ANKFY1: variants seen among roughly 807,000 people sequenced by gnomAD.
ANKFY1 encodes ankyrin repeat and FYVE domain containing 1, also known as ankyrin repeat and FYVE domain-containing protein 1.
ANKFY1 carries 47 observed loss-of-function variants against 128.3 expected under a neutral mutation model. That is an observed-to-expected ratio of 0.37 (90% CI 0.29 to 0.47). ANKFY1 has a LOEUF of 0.47. Ranked by LOEUF, ANKFY1 falls within the 20% of genes least tolerant of loss-of-function variation. The pLI is 1.00. For missense variants in ANKFY1, 1,222 were observed against 1,510.6 expected (o/e 0.81, Z 3.17); for synonymous variants, 553 against 601.6 (o/e 0.92, Z 1.18).
rs201162811 is a variant in ANKFY1 at position 4,184,812 on chromosome 17, A to G, written c.1699+6T>C. On this transcript the variant is annotated splice_donor_region_variant and intron_variant, in intron 12 of 24. Coordinates refer to ENST00000341657, the MANE Select transcript of ANKFY1 (RefSeq NM_001330063.2). ...AAAAGGATGGACAGTATTCCCACTT[A>G]CTTACCTTTCTGCTCCAGGATGACA... 6.2e-6 allele frequency: 10 copies of G among 1,611,334 alleles called. No individual in the cohort carries two copies. In the African/African-American group the frequency reaches 1.1e-4, roughly 17 times the overall value.
At chr17:4,213,815 C>G (rs530877854) in intron 4 of ANKFY1, among the ~76,000 whole-genome samples, 49 of 152,220 alleles carry the variant, frequency 3.2e-4, no homozygotes, top group South Asian at 8.3e-4. Context: ...CTTCGGGATC[C>G]ACCCACCTCG....
At position 4,235,970 on chromosome 17, in the gene ANKFY1, CAT is replaced by C. The variant is rs1478388904; in HGVS notation, c.204-82_204-81del. ...AGCTAGGATTCACAGCTGATAAACA[CAT>C]GAGTATTCATCAACATACATCTGCA... On this transcript the variant is annotated intron_variant, in intron 2 of 24. Transcript: ENST00000341657. The C allele has an allele frequency of 9.3e-6, 9 of 964,936 alleles. No homozygotes were observed. The East Asian group carries it at 9.7e-5, about 10-fold the overall frequency. The allele number at this position is 964,936 out of a possible 1,614,324, so 59.8% of individuals were successfully genotyped here. A position where few individuals can be genotyped will look rare whatever the true frequency, so the allele number is the denominator to read the frequency against.
At position 4,181,104 on chromosome 17, in the gene ANKFY1, A is replaced by T. The variant is rs1299084579; in HGVS notation, c.2240+150T>A. 6.4e-6 allele frequency: 4 copies of T among 628,954 alleles called. No homozygotes were observed. Among genetic ancestry groups the T allele is most frequent in the Non-Finnish European group, 1.1e-5 (4 of 358,294 alleles). 39.0% of individuals were successfully genotyped at this position (628,954 alleles called of 1,614,324 possible). A position where few individuals can be genotyped will look rare whatever the true frequency, so the allele number is the denominator to read the frequency against. ...GAGCCTGGCTCCTGGCTGACTTGAC[A>T]TGACAGAACAGTGACTCTCTGATAA... On this transcript the variant is annotated intron_variant, in intron 16 of 24. Coordinates refer to ENST00000341657, the MANE Select transcript of ANKFY1 (RefSeq NM_001330063.2). The surrounding 1 kb of genome is among the most constrained non-coding windows in gnomAD (Gnocchi z 4.9).
chr17:4,210,708 CAAA>C (rs371731375), intron 4 of ANKFY1, among the ~76,000 whole-genome samples: 1 of 42,450 alleles, frequency 2.4e-5, no homozygotes, highest in Non-Finnish European at 3.7e-5. Flanking sequence ...AACTCTGTCG[CAAA>C]AAAAAAAAAA....
intron 22 of ANKFY1, among the ~76,000 whole-genome samples, chr17:4,171,550 C>CA (rs1342010163): frequency 6.6e-6 from 1 of 152,206 alleles, no homozygotes; most frequent in East Asian, 1.9e-4. Flanking sequence ...AGAATGCACC[C>CA]AGTCACCCTG....
chr17:4,188,955 ACT>A (rs1423169560), intron 11 of ANKFY1: 2 of 157,916 alleles, frequency 1.3e-5, no homozygotes, highest in African/African-American at 4.8e-5. Context: ...CAAAGGTAAC[ACT>A]TTTATTCATA....
chr17:4,263,767 A>G, intron 1 of ANKFY1, 165 bp downstream of exon 1: 7 of 1,548,048 alleles, frequency 4.5e-6, no homozygotes, highest in African/African-American at 1.4e-5. Context: ...CGCGCTCCGG[A>G]CCCCGGCCCG....
intron 4 of ANKFY1, among the ~76,000 whole-genome samples, chr17:4,214,750 A>C (rs2060192952): frequency 6.6e-6 from 1 of 152,156 alleles, no homozygotes; most frequent in Non-Finnish European, 1.5e-5. Context: ...TTTAAAGTAT[A>C]ACATCAAGCA....
intron 10 of ANKFY1, chr17:4,191,328 C>T (rs1471152534): frequency 6.7e-6 from 1 of 149,514 alleles, no homozygotes; most frequent in Non-Finnish European, 1.5e-5. Context: ...TTGATGGTTG[C>T]TCTAATCTGG....
intron 1 of ANKFY1, among the ~76,000 whole-genome samples, chr17:4,246,490 G>C (rs1967549197): frequency 6.6e-6 from 1 of 152,186 alleles, no homozygotes; most frequent in South Asian, 2.1e-4. Flanking sequence ...TGCTATGCAA[G>C]TCAGCTGAAA....
chr17:4,197,161 C>G (rs1327982345), intron 8 of ANKFY1, among the ~76,000 whole-genome samples: 1 of 152,150 alleles, frequency 6.6e-6, no homozygotes, highest in Non-Finnish European at 1.5e-5. Context: ...ACCTCGAAGA[C>G]TTCAGTTACC....
intron 1 of ANKFY1, among the ~76,000 whole-genome samples, chr17:4,249,792 C>G (rs935987652): frequency 1.3e-5 from 2 of 152,170 alleles, no homozygotes; most frequent in African/African-American, 4.8e-5. Context: ...CAGTTATGCT[C>G]TTGACTGCGC....
chr17:4,228,937 C>T (rs972191977), intron 3 of ANKFY1, among the ~76,000 whole-genome samples: 17 of 152,196 alleles, frequency 1.1e-4, no homozygotes, highest in Admixed American at 7.2e-4. Flanking sequence ...CGGCTCCAAT[C>T]CTTGCTAACT....
intron 2 of ANKFY1, among the ~76,000 whole-genome samples, chr17:4,239,499 G>A (rs1335138953): frequency 6.6e-6 from 1 of 152,102 alleles, no homozygotes; most frequent in Non-Finnish European, 1.5e-5. Context: ...GTTGATAGCA[G>A]TTTTGAATCC....
Position 4,184,725 on chromosome 17 carries a change from ACT to A in ANKFY1, c.1699+91_1699+92del, listed in dbSNP as rs1473061811. On this transcript the variant is annotated intron_variant, in intron 12 of 24. Coordinates refer to ENST00000341657, the MANE Select transcript of ANKFY1 (RefSeq NM_001330063.2). Reference sequence around the variant, plus strand: ...GGGGGTAAGAAACTAGCCATATGAAACTCACCAACAGAAAAAACATCAACTCT... The same window carrying A: ...GGGGGTAAGAAACTAGCCATATGAAACACCAACAGAAAAAACATCAACTCT... 3.6e-6 allele frequency: 5 copies of A among 1,391,276 alleles called. No homozygotes were observed. The Admixed American group carries it at 7.2e-5, about 20-fold the overall frequency. 86.2% of individuals were successfully genotyped at this position (1,391,276 alleles called of 1,614,324 possible).
intron 1 of ANKFY1, among the ~76,000 whole-genome samples, chr17:4,248,770 G>A (rs112211716): frequency 0.018 from 2,784 of 152,206 alleles, 88 homozygotes; most frequent in African/African-American, 0.064. Context: ...TCTCAAAAAA[G>A]GAGAGGAGAG....
At chr17:4,248,460 G>A (rs954974172) in intron 1 of ANKFY1, among the ~76,000 whole-genome samples, 1 of 152,226 alleles carries the variant, frequency 6.6e-6, no homozygotes, top group Non-Finnish European at 1.5e-5. Context: ...CACGAAACCA[G>A]TCTCTGGTGC....
rs185975296 is a variant in ANKFY1 at position 4,246,048 on chromosome 17, A to G, written c.11-3600T>C. On this transcript the variant is annotated intron_variant, in intron 1 of 24. Transcript: ENST00000341657. The stretch of plus-strand genomic sequence containing the variant: ...GACAGAGGACAGTCCGTCTCAAAAA[A>G]CAAACAACAACAACAAAAAACAACC... Among the ~76,000 whole-genome samples the G allele has an allele frequency of 7.9e-5, 12 of 152,296 alleles. No homozygotes were observed. The East Asian group carries it at 2.3e-3, about 29-fold the overall frequency.
intron 4 of ANKFY1, 137 bp from the exon 5 acceptor site, chr17:4,210,084 G>T: frequency 1.5e-6 from 1 of 647,956 alleles, no homozygotes; most frequent in Non-Finnish European, 2.4e-6. Context: ...AAAGGGTTAT[G>T]AATAAATTAC....
Sources: allele counts gnomAD v4.1 joint callset (sites outside exome capture counted in the v4.1 genomes callset), GRCh38; gene constraint gnomAD v4.1.1; non-coding constraint Gnocchi (gnomAD v3.1); transcripts MANE v1.5; gene names NCBI Gene and HGNC (gene_info 2026-07-23, HGNC 2026-07-21).